Variants in PRKN observed in about 807,000 individuals in gnomAD.
PRKN encodes parkin RBR E3 ubiquitin protein ligase.
PRKN carries 56 observed loss-of-function variants against 59.5 expected under a neutral mutation model. That is an observed-to-expected ratio of 0.94 (90% confidence interval 0.76 to 1.18). The LOEUF is 1.18. Among genes scored for constraint, PRKN ranks in the 50% most tolerant of loss-of-function variants. PRKN has a pLI of 0.00. For missense variants in PRKN, 657 were observed against 596.4 expected, an observed-to-expected ratio of 1.10 and a Z score of -1.06; for synonymous variants, 250 against 222.1, an observed-to-expected ratio of 1.13 and a Z score of -1.12.
rs73782908 is a variant in PRKN, at chr6:161,483,523, C to A, written c.1083+65331G>T. 6.6e-6 allele frequency among the ~76,000 whole-genome samples: 1 copy of A among 152,150 alleles called. No homozygotes were observed. The highest frequency in any genetic ancestry group is 2.4e-5 in the African/African-American group (1 of 41,438). On this transcript the variant is annotated intron_variant, in intron 9 of 11. Transcript: ENST00000366898. This position sits in a 1 kb window ranked among gnomAD's most constrained non-coding sequence, Gnocchi z 5.0. ...AATATGGACTTGCATTAATTCCCAG[C>A]GTATAAACTCATGGATCCTCCACAG...
Position 161,999,008 on chromosome 6 carries a change from T to C in PRKN, c.619-25591A>G, listed in dbSNP as rs192892426. ...AAAAACATTCTACTTTATTTTGTCC[T>C]CTTAACACACAAAAACATTTGATAG... is the stretch of plus-strand genomic sequence containing the variant. On this transcript the variant is annotated intron_variant, in intron 5 of 11. Transcript: ENST00000366898. 1.1e-3 allele frequency among the ~76,000 whole-genome samples: 168 copies of C among 152,216 alleles called. 1 individual carries two copies. Among genetic ancestry groups the C allele is most frequent in the African/African-American group, 3.8e-3 (157 of 41,550 alleles).
At chr6:161,690,160 C>A (rs1330897554) in intron 7 of PRKN, among the ~76,000 whole-genome samples, 1 of 152,182 alleles carries the variant, frequency 6.6e-6, no homozygotes, top group East Asian at 1.9e-4. Context: ...TAGGGAGACA[C>A]CACTCTGTGC....
At chr6:161,611,444 T>C (rs1782486278) in intron 7 of PRKN, among the ~76,000 whole-genome samples, 1 of 152,254 alleles carries the variant, frequency 6.6e-6, no homozygotes, top group African/African-American at 2.4e-5. Context: ...TTTCAGTCTC[T>C]GTCCATTTTT....
chr6:161,567,256 C>T (rs960629136), intron 8 of PRKN, among the ~76,000 whole-genome samples: 1 of 152,010 alleles, frequency 6.6e-6, no homozygotes, highest in African/African-American at 2.4e-5. Context: ...CTATGTTGGC[C>T]AGGCTGGTCT....
At chr6:162,480,574 G>A (rs775311734) in intron 1 of PRKN, among the ~76,000 whole-genome samples, 1 of 152,064 alleles carries the variant, frequency 6.6e-6, no homozygotes, top group Non-Finnish European at 1.5e-5. Context: ...CAGGAGGACC[G>A]AGTGCTGCTG....
intron 1 of PRKN, among the ~76,000 whole-genome samples, chr6:162,688,230 C>T (rs1361309620): frequency 6.6e-6 from 1 of 152,046 alleles, no homozygotes; most frequent in Non-Finnish European, 1.5e-5. Flanking sequence ...ATCTATATAA[C>T]GTTCAAGAAC....
intron 6 of PRKN, among the ~76,000 whole-genome samples, chr6:161,824,914 T>G (rs558873994): frequency 6.6e-6 from 1 of 152,318 alleles, no homozygotes; most frequent in South Asian, 2.1e-4. Flanking sequence ...TGATCAAATA[T>G]GTAAGCAGTC....
chr6:162,589,378 C>G (rs1781207267), intron 1 of PRKN, among the ~76,000 whole-genome samples: 1 of 152,114 alleles, frequency 6.6e-6, no homozygotes, highest in Admixed American at 6.6e-5. Context: ...ATAGCTCCTA[C>G]CATCCATAAA....
chr6:162,191,718 C>T (rs1784283741), intron 4 of PRKN, among the ~76,000 whole-genome samples: 1 of 152,186 alleles, frequency 6.6e-6, no homozygotes, highest in Non-Finnish European at 1.5e-5. Context: ...GCTGGGATTA[C>T]AGGTGTGAGC....
intron 6 of PRKN, among the ~76,000 whole-genome samples, chr6:161,967,651 A>G (rs1780632213): frequency 6.6e-6 from 1 of 152,242 alleles, no homozygotes; most frequent in Non-Finnish European, 1.5e-5. Context: ...GACAACCGAA[A>G]TGAGTGACTG....
At chr6:161,792,697 G>GT (rs1419303708) in intron 6 of PRKN, among the ~76,000 whole-genome samples, 2 of 152,162 alleles carry the variant, frequency 1.3e-5, no homozygotes, top group African/African-American at 4.8e-5. Context: ...TTGTGCAATA[G>GT]TAACACAGAA....
chr6:162,042,369 G>T (rs1784098324), intron 5 of PRKN, among the ~76,000 whole-genome samples: 1 of 151,952 alleles, frequency 6.6e-6, no homozygotes, highest in Non-Finnish European at 1.5e-5. Flanking sequence ...TCAGCCCACT[G>T]CAAACTCCAC....
intron 1 of PRKN, among the ~76,000 whole-genome samples, chr6:162,611,514 A>G (rs1243231343): frequency 1.3e-5 from 2 of 152,196 alleles, no homozygotes. Context: ...TCAAGGGTGC[A>G]TTACACTCAG....
intron 5 of PRKN, among the ~76,000 whole-genome samples, chr6:162,036,860 G>A (rs918567611): frequency 3.3e-5 from 5 of 151,970 alleles, no homozygotes; most frequent in African/African-American, 7.3e-5. Flanking sequence ...TATCTATACC[G>A]TGCAATTATA....
At chr6:162,565,696 A>AC (rs1199981778) in intron 1 of PRKN, among the ~76,000 whole-genome samples, 17 of 127,872 alleles carry the variant, frequency 1.3e-4, no homozygotes, top group East Asian at 7.1e-4. Context: ...GTCTCAAAAT[A>AC]AATACATACA....
intron 2 of PRKN, among the ~76,000 whole-genome samples, chr6:162,389,747 A>C (rs554046451): frequency 2.0e-5 from 3 of 152,350 alleles, no homozygotes; most frequent in Middle Eastern, 6.8e-3. Context: ...CCTTCTAATA[A>C]GTGGTAAAGC....
At chr6:162,281,444 C>A (rs111883069) in intron 2 of PRKN, among the ~76,000 whole-genome samples, 1 of 151,750 alleles carries the variant, frequency 6.6e-6, no homozygotes. Context: ...ATAAGAAATG[C>A]GGTATTACTA....
At chr6:161,845,393 G>T (rs1001132941) in intron 6 of PRKN, among the ~76,000 whole-genome samples, 2 of 152,178 alleles carry the variant, frequency 1.3e-5, no homozygotes, top group African/African-American at 4.8e-5. Context: ...GGAAAACCAT[G>T]TGGGTCATTC....
At chr6:162,360,369 C>T (rs1785083159) in intron 2 of PRKN, among the ~76,000 whole-genome samples, 1 of 152,020 alleles carries the variant, frequency 6.6e-6, no homozygotes, top group Admixed American at 6.6e-5. Context: ...ATATACATCC[C>T]CTAACATTTG....
Sources: gnomAD v4.1 joint callset for allele counts (sites outside exome capture counted in the v4.1 genomes callset) on GRCh38, gnomAD v4.1.1 for gene constraint, Gnocchi (gnomAD v3.1) non-coding constraint, MANE v1.5 for transcripts, NCBI Gene and HGNC (gene_info 2026-07-23, HGNC 2026-07-21) for gene names.